CACNB2: variants seen among roughly 807,000 people sequenced by gnomAD.
CACNB2 encodes the protein calcium voltage-gated channel auxiliary subunit beta 2, also known as voltage-dependent L-type calcium channel subunit beta-2.
CACNB2 carries 42 observed loss-of-function variants against 73.3 expected under a neutral mutation model. The ratio of observed to expected loss-of-function variants is 0.57; its 90% CI spans 0.45 to 0.74. CACNB2 has a LOEUF of 0.74. Ranked by LOEUF, CACNB2 falls within the 30% of genes least tolerant of loss-of-function variation. The probability of loss-of-function intolerance (pLI) is 0.00; values close to 1 mark genes in which losing one functional copy is unlikely to be tolerated. For missense variants in CACNB2, 940 were observed against 853.0 expected (o/e 1.10, Z -1.27); for synonymous variants, 348 against 310.3 (o/e 1.12, Z -1.28).
At chr10:18,480,592 A>G (rs1318836540) in intron 3 of CACNB2, among the ~76,000 whole-genome samples, 1 of 152,222 alleles carries the variant, frequency 6.6e-6, no homozygotes, top group African/African-American at 2.4e-5. Context: ...TAAGCACTTA[A>G]TGAATTACAA....
chr10:18,338,143 G>T (rs1270902360), intron 2 of CACNB2, among the ~76,000 whole-genome samples: 1 of 152,064 alleles, frequency 6.6e-6, no homozygotes, highest in East Asian at 1.9e-4. Context: ...TGTGGGTTGG[G>T]AAAAAATATT....
intron 2 of CACNB2, among the ~76,000 whole-genome samples, chr10:18,264,437 A>G (rs2037697524): frequency 6.6e-6 from 1 of 152,222 alleles, no homozygotes; most frequent in Admixed American, 6.5e-5. Flanking sequence ...AATGTTCTCA[A>G]AGCAAACATG....
At chr10:18,167,174 C>A (rs2032915066) in intron 2 of CACNB2, among the ~76,000 whole-genome samples, 1 of 152,182 alleles carries the variant, frequency 6.6e-6, no homozygotes, top group Non-Finnish European at 1.5e-5. Context: ...AGGGTATTAT[C>A]CTGAGTGAAC....
chr10:18,310,605 C>CAAAAAAAAAAAAAAAAAA (rs1157466238), intron 2 of CACNB2, among the ~76,000 whole-genome samples: 3 of 36,866 alleles, frequency 8.1e-5, no homozygotes, highest in African/African-American at 1.3e-4. Context: ...AACTCCATCT[C>CAAAAAAAAAAAAAAAAAA]AAAAAAAAAA....
chr10:18,521,809 T>C (rs766002869), intron 9 of CACNB2, among the ~76,000 whole-genome samples: 4 of 152,194 alleles, frequency 2.6e-5, no homozygotes, highest in Non-Finnish European at 4.4e-5. Flanking sequence ...TTTCTGTATT[T>C]TTAACCAGAT....
chr10:18,214,305 C>T (rs2035429910), intron 2 of CACNB2, among the ~76,000 whole-genome samples: 1 of 75,486 alleles, frequency 1.3e-5, no homozygotes, highest in Admixed American at 1.7e-4. Context: ...TCCATTTGTA[C>T]CTTACACAGG....
intron 10 of CACNB2, chr10:18,531,839 T>G (rs2053062963): frequency 1.7e-5 from 1 of 58,602 alleles, no homozygotes; most frequent in Admixed American, 1.5e-4. Context: ...ATATAAAGCA[T>G]AGAAAGGTGT....
chr10:18,372,852 T>C (rs10741041), intron 2 of CACNB2, among the ~76,000 whole-genome samples: 84,075 of 152,174 alleles, frequency 0.55, 23,778 homozygotes, highest in East Asian at 0.91. Context: ...ATATTTCACA[T>C]ACTGGGAACA....
At position 18,483,180 on chromosome 10, in the gene CACNB2, A is replaced by G. The variant is rs149203247; in HGVS notation, c.334-15175A>G. ...TCTCTGCACTAATCTAATCCCTGCC[A>G]AAACATTTGGTTTGGGTCATGGGGA... On this transcript the variant is annotated intron_variant, in intron 3 of 13. Coordinates refer to ENST00000324631, the MANE Select transcript of CACNB2 (RefSeq NM_201596.3). 4.5e-3 allele frequency among the ~76,000 whole-genome samples: 684 copies of G among 152,192 alleles called. 6 individuals carry two copies. Among genetic ancestry groups the G allele is most frequent in the African/African-American group, 0.016 (654 of 41,546 alleles).
intron 2 of CACNB2, among the ~76,000 whole-genome samples, chr10:18,321,624 G>A (rs1162660325): frequency 6.6e-6 from 1 of 152,110 alleles, no homozygotes; most frequent in Non-Finnish European, 1.5e-5. Context: ...TTGCATGCCT[G>A]TATCAAAACA....
intron 2 of CACNB2, among the ~76,000 whole-genome samples, chr10:18,170,422 A>C (rs1219532137): frequency 1.3e-5 from 2 of 152,272 alleles, no homozygotes; most frequent in South Asian, 2.1e-4. Flanking sequence ...ACTATAGTGC[A>C]CCCTTTTCTA....
chr10:18,310,653 A>G (rs1335958229), intron 2 of CACNB2, among the ~76,000 whole-genome samples: 2 of 150,518 alleles, frequency 1.3e-5, no homozygotes, highest in African/African-American at 4.9e-5. Context: ...AAAATTATAA[A>G]GAAAAGAAAC....
rs569980553 is a variant in CACNB2, at chr10:18,325,134, C to T, written c.214-76790C>T. ...AGCCAGAGCTAGTCCAGAGCATCCC[C>T]GTTTTTTAGTTGCAGAAACTGACCT... On this transcript the variant is annotated intron_variant, in intron 2 of 13. Transcript: ENST00000324631. Among the ~76,000 whole-genome samples the T allele has an allele frequency of 5.5e-4, 84 of 152,288 alleles. 1 individual carries two copies. Among genetic ancestry groups the T allele is most frequent in the Non-Finnish European group, 9.7e-4 (66 of 68,020 alleles).
intron 2 of CACNB2, among the ~76,000 whole-genome samples, chr10:18,385,366 C>G (rs949615032): frequency 1.2e-5 from 1 of 80,556 alleles, no homozygotes; most frequent in Non-Finnish European, 2.5e-5. Flanking sequence ...TTTGTAATAC[C>G]CCCCCCCCTC....
At chr10:18,259,565 A>G (rs79344397) in intron 2 of CACNB2, among the ~76,000 whole-genome samples, 9,884 of 55,308 alleles carry the variant, frequency 0.18, 926 homozygotes, top group East Asian at 0.45. Context: ...AAAAACAAAC[A>G]AAAAAAAAAA....
At chr10:18,507,613 C>A (rs181739017) in intron 6 of CACNB2, among the ~76,000 whole-genome samples, 430 of 151,878 alleles carry the variant, frequency 2.8e-3, no homozygotes, top group Middle Eastern at 6.8e-3. Context: ...TCTATATAGA[C>A]AGGAGACTAA....
chr10:18,166,236 T>C (rs749042580), intron 2 of CACNB2, among the ~76,000 whole-genome samples: 50 of 152,184 alleles, frequency 3.3e-4, no homozygotes, highest in Non-Finnish European at 6.2e-4. Flanking sequence ...TTAATAATAA[T>C]TCAATTAATA....
chr10:18,525,894 T>C (rs1436980507), intron 9 of CACNB2, among the ~76,000 whole-genome samples: 2 of 152,200 alleles, frequency 1.3e-5, no homozygotes, highest in Admixed American at 1.3e-4. Flanking sequence ...TTCCAAAAGC[T>C]CTTATTCTAA....
intron 2 of CACNB2, among the ~76,000 whole-genome samples, chr10:18,398,510 A>G (rs1027089398): frequency 8.5e-5 from 13 of 152,168 alleles, no homozygotes; most frequent in African/African-American, 2.7e-4. Context: ...TCTACAAAAA[A>G]TAATTTAAAA....
Sources: allele counts gnomAD v4.1 joint callset (sites outside exome capture counted in the v4.1 genomes callset), GRCh38; gene constraint gnomAD v4.1.1; transcripts MANE v1.5; gene names NCBI Gene and HGNC (gene_info 2026-07-23, HGNC 2026-07-21).